Variants in TENT5D observed in about 807,000 individuals in gnomAD.
TENT5D encodes terminal nucleotidyltransferase 5D.
For missense variants in TENT5D, 191 were observed against 287.0 expected (o/e 0.67, Z 2.42); for synonymous variants, 103 against 100.6 (o/e 1.02, Z -0.15).
At chrX:80,423,580 G>A (rs963512527) in intron 1 of TENT5D, among the ~76,000 whole-genome samples, 2 of 110,740 alleles carry the variant, frequency 1.8e-5, no homozygotes, top group African/African-American at 6.6e-5. Context: ...GGGCTACCTA[G>A]CTTGGCCCAG....
chrX:80,411,799 A>G (rs1455517461), intron 3 of TENT5D, among the ~76,000 whole-genome samples: 1 of 112,236 alleles, frequency 8.9e-6, no homozygotes, highest in African/African-American at 3.2e-5. Flanking sequence ...ATTCCATTAC[A>G]TTTACCTAAT....
intron 3 of TENT5D, among the ~76,000 whole-genome samples, chrX:80,352,720 C>CAAAAAAAAAAA (rs1189877322): frequency 5.0e-5 from 1 of 19,915 alleles, no homozygotes; most frequent in Non-Finnish European, 9.8e-5. Context: ...AGCAAACAAA[C>CAAAAAAAAAAA]AAAAAAAAAA....
chrX:80,350,678 C>T (rs7885695), intron 3 of TENT5D, among the ~76,000 whole-genome samples: 9 of 111,222 alleles, frequency 8.1e-5, no homozygotes, highest in East Asian at 2.8e-4. Flanking sequence ...TTTGTGAATT[C>T]GATCCTGTCA....
At chrX:80,360,283 C>G (rs1234054237) in intron 3 of TENT5D, among the ~76,000 whole-genome samples, 2 of 112,022 alleles carry the variant, frequency 1.8e-5, no homozygotes, top group Non-Finnish European at 3.8e-5. Context: ...GTTCTTTTTT[C>G]TCCTTTGAAG....
At chrX:80,357,153 G>C (rs927548102) in intron 3 of TENT5D, among the ~76,000 whole-genome samples, 18 of 112,061 alleles carry the variant, frequency 1.6e-4, no homozygotes, top group East Asian at 5.6e-4. Context: ...TCTTAATCCA[G>C]TCTATCATTG....
At chrX:80,422,855 G>T (rs187490942) in intron 1 of TENT5D, among the ~76,000 whole-genome samples, 6 of 111,519 alleles carry the variant, frequency 5.4e-5, no homozygotes, top group African/African-American at 1.6e-4. Context: ...TGTTGACAGG[G>T]TTATCCACAG....
At chrX:80,352,722 A>AAC (rs1365285670) in intron 3 of TENT5D, among the ~76,000 whole-genome samples, 1 of 94,170 alleles carries the variant, frequency 1.1e-5, no homozygotes, top group African/African-American at 4.2e-5. Flanking sequence ...CAAACAAACA[A>AAC]AAAAAAAAAA....
At chrX:80,434,789 T>G (rs976187751) in intron 1 of TENT5D, among the ~76,000 whole-genome samples, 1 of 107,209 alleles carries the variant, frequency 9.3e-6, no homozygotes, top group Non-Finnish European at 1.9e-5. Context: ...TCTTTGTTTT[T>G]TTTTTTTTTT....
At chrX:80,401,050 G>T (rs966848655) in intron 3 of TENT5D, among the ~76,000 whole-genome samples, 1 of 111,881 alleles carries the variant, frequency 8.9e-6, no homozygotes, top group Non-Finnish European at 1.9e-5. Context: ...ATCCACGAAT[G>T]TAAGCTATCT....
chrX:80,414,075 A>T (rs1163571277), intron 3 of TENT5D, among the ~76,000 whole-genome samples: 1 of 111,765 alleles, frequency 8.9e-6, no homozygotes, highest in Non-Finnish European at 1.9e-5. Context: ...AGAAGCAGGA[A>T]AAAACTCAAA....
At position 80,368,654 on chromosome X, in the gene TENT5D, T is replaced by C. The variant is rs745599123; in HGVS notation, c.-142+26090T>C. ...AACTGATCTGAGTCATTGCAAGAGGTTGATATGTTTTTATTGGCAACAAGA... is the reference window on the plus strand; with the variant it reads ...AACTGATCTGAGTCATTGCAAGAGGCTGATATGTTTTTATTGGCAACAAGA... On this transcript the variant is annotated intron_variant, in intron 3 of 4. Coordinates refer to the TENT5D transcript ENST00000538312. 4.8e-4 allele frequency among the ~76,000 whole-genome samples: 54 copies of C among 111,894 alleles called. 1 individual carries two copies. The highest frequency in any genetic ancestry group is 9.4e-4 in the Non-Finnish European group (50 of 53,121).
At chrX:80,350,682 C>G (rs748620797) in intron 3 of TENT5D, among the ~76,000 whole-genome samples, 12 of 111,574 alleles carry the variant, frequency 1.1e-4, no homozygotes, top group African/African-American at 3.6e-4. Context: ...TGAATTCGAT[C>G]CTGTCATCAT....
intron 3 of TENT5D, among the ~76,000 whole-genome samples, chrX:80,362,971 CAT>C (rs1038850736): frequency 3.6e-5 from 4 of 111,725 alleles, no homozygotes; most frequent in African/African-American, 6.5e-5. Context: ...GATAAATTAA[CAT>C]GTGGAAAACA....
chrX:80,383,786 G>T (rs1216714765), intron 3 of TENT5D, among the ~76,000 whole-genome samples: 1 of 111,449 alleles, frequency 9.0e-6, no homozygotes, highest in Admixed American at 9.5e-5. Context: ...AACCCGGGAG[G>T]TGGAGCTTGC....
chrX:80,347,712 A>G (rs1298219288), intron 3 of TENT5D, among the ~76,000 whole-genome samples: 1 of 111,959 alleles, frequency 8.9e-6, no homozygotes, highest in African/African-American at 3.2e-5. Context: ...TTTTGTTGCA[A>G]TTGCTTTAGG....
intron 3 of TENT5D, among the ~76,000 whole-genome samples, chrX:80,389,662 GA>G (rs918825542): frequency 8.9e-6 from 1 of 112,297 alleles, no homozygotes; most frequent in Non-Finnish European, 1.9e-5. Flanking sequence ...TTGTTTAGAA[GA>G]CGAGATTGAC....
intron 3 of TENT5D, among the ~76,000 whole-genome samples, chrX:80,407,893 C>A (rs1365960120): frequency 2.7e-5 from 3 of 110,249 alleles, no homozygotes; most frequent in African/African-American, 9.9e-5. Context: ...GAAATTATAA[C>A]AAACTATCTC....
rs767636555 is a variant in TENT5D at position 80,429,583 on chromosome X, G to A, written c.-142+9020G>A. 3.0e-3 allele frequency among the ~76,000 whole-genome samples: 333 copies of A among 110,345 alleles called. 1 individual carries two copies. The highest frequency in any genetic ancestry group is 0.01 in the African/African-American group (309 of 30,281). On this transcript the variant is annotated intron_variant, in intron 1 of 2. Coordinates refer to ENST00000308293, the Ensembl canonical transcript of TENT5D. ...CTCCCAAAGTGCTGGGATTACAGGC[G>A]TGAGCCACTGCACCCAGCCAGGACT...
At chrX:80,443,535 A>G (rs761644461) in exon 3 of TENT5D, 40 of 1,209,081 alleles carry the variant, frequency 3.3e-5, no homozygotes, top group Non-Finnish European at 3.9e-5. Context: ...CTTTGAAAGT[A>G]CTTGGAGAAC....
Sources: allele counts gnomAD v4.1 joint callset (sites outside exome capture counted in the v4.1 genomes callset), GRCh38; gene constraint gnomAD v4.1.1; transcripts MANE v1.5; gene names NCBI Gene and HGNC (gene_info 2026-07-23, HGNC 2026-07-21).